KRT78: variants seen among roughly 807,000 people sequenced by gnomAD.
KRT78 encodes keratin 78.
Under a neutral mutation model 51.4 loss-of-function variants are expected in KRT78, and 55 were observed. The ratio of observed to expected loss-of-function variants is 1.07; its 90% confidence interval spans 0.86 to 1.34. The LOEUF is 1.34. Ranked by LOEUF, KRT78 falls within the 40% of genes most tolerant of loss-of-function variation. KRT78 has a pLI of 0.00. For synonymous variants in KRT78, 291 were observed against 264.3 expected (o/e 1.10, Z -0.98); for missense variants, 652 against 649.4 (o/e 1.00, Z -0.04).
In KRT78 at chr12:52,844,674, G is replaced by C. The variant is rs1429561876; in HGVS notation, c.806C>G (p.Ser269Cys). 3.7e-6 allele frequency: 6 copies of C among 1,613,978 alleles called. No homozygotes were observed. Among genetic ancestry groups the C allele is most frequent in the African/African-American group, 1.3e-5 (1 of 74,924 alleles). ...GTCCAGGTAGCGGTTGTTGTCCATG[G>C]ACAGCACCACAGACGTGTCGCTGGC... is the stretch of plus-strand genomic sequence containing the variant. ...TQASDTSVVL[S>C]MDNNRYLDFS... The change falls in exon 5 of 9, where the codon TCC (serine) becomes TGC (cysteine). Residue 269 changes from serine (S) to cysteine (C), a missense_variant. Transcript: ENST00000304620.
rs1300037500 is a variant in KRT78 at position 52,838,746 on chromosome 12, A to C, written c.*367T>G. On this transcript the variant is annotated 3_prime_UTR_variant, in exon 9 of 9. Transcript: ENST00000304620. ...GGAAGTGAGCTACAAGCACAGCTAA[A>C]ACATCAGTGGAGTTGTGGGAGATGG... 7.4e-6 allele frequency: 2 copies of C among 268,620 alleles called. No homozygotes were observed. The highest frequency in any genetic ancestry group is 1.4e-5 in the Non-Finnish European group (2 of 141,340). 16.6% of individuals were successfully genotyped at this position (268,620 alleles called of 1,614,324 possible).
chr12:52,844,281 A>G (rs1305580191), intron 5 of KRT78, 63 bp from the exon 6 acceptor site: 3 of 1,523,054 alleles, frequency 2.0e-6, no homozygotes, highest in East Asian at 2.3e-5. Flanking sequence ...CCATCTCCTC[A>G]TGTTTGAAAA....
chr12:52,843,981 T>A, intron 6 of KRT78, 112 bp downstream of exon 6: 2 of 1,294,608 alleles, frequency 1.5e-6, no homozygotes, highest in Non-Finnish European at 2.2e-6. Context: ...GTTATCAAGG[T>A]CCTCGACACA....
At chr12:52,843,388 A>G (rs1386117904) in intron 6 of KRT78, among the ~76,000 whole-genome samples, 5 of 131,224 alleles carry the variant, frequency 3.8e-5, no homozygotes, top group African/African-American at 1.1e-4. Context: ...GAGAGAGAGA[A>G]AGAAAAAGAA....
At chr12:52,844,261 C>A (rs764138182) in intron 5 of KRT78, 43 bp from the exon 6 acceptor site, 35 of 1,543,854 alleles carry the variant, frequency 2.3e-5, no homozygotes, top group East Asian at 9.2e-5. Flanking sequence ...GAGAGGACTG[C>A]CACCTTTGAC....
chr12:52,846,153 A>G, intron 4 of KRT78, 44 bp downstream of exon 4: 1 of 1,393,450 alleles, frequency 7.2e-7, no homozygotes, highest in Non-Finnish European at 1.0e-6. Context: ...CTGCCCACCC[A>G]GTCCTCTCTC....
Position 52,839,291 on chromosome 12 carries a change from C to T in KRT78, c.1385G>A (p.Gly462Asp), listed in dbSNP as rs757873428. The T allele has an allele frequency of 3.7e-6, 6 of 1,613,316 alleles. No individual in the cohort carries two copies. Among genetic ancestry groups the T allele is most frequent in the South Asian group, 3.3e-5 (3 of 90,926 alleles). ...GCTGGTGCAGCAGGACCCAGGGCTG[C>T]CTTTCCCACTACCGAGTCCACAAGT... The part of the protein sequence containing the change: ...GSTCGLGSGK[G>D]SPGSCCTSIV... Residue 462 changes from glycine (G) to aspartate (D), a missense_variant, in exon 9 of 9, where the codon GGC (glycine) becomes GAC (aspartate). Transcript: ENST00000304620.
At chr12:52,846,851 G>A in intron 2 of KRT78, 27 bp from the exon 3 acceptor site, 1 of 1,588,424 alleles carries the variant, frequency 6.3e-7, no homozygotes, top group Non-Finnish European at 8.6e-7. Flanking sequence ...GAAGGATGCA[G>A]TTTGAGGCTC....
intron 4 of KRT78, among the ~76,000 whole-genome samples, chr12:52,845,823 G>A (rs561761939): frequency 1.8e-4 from 28 of 151,958 alleles, no homozygotes; most frequent in Non-Finnish European, 3.1e-4. Flanking sequence ...CCGCAGTGGC[G>A]GGTGCCTGTA....
chr12:52,842,959 G>GAGAGAA lies in KRT78; in HGVS notation c.1047+1133_1047+1134insTTCTCT, dbSNP rs1299063277. Among the ~76,000 whole-genome samples the GAGAGAA allele has an allele frequency of 9.3e-5, 5 of 53,760 alleles. 1 individual carries two copies. The highest frequency in any genetic ancestry group is 6.6e-4 in the East Asian group (1 of 1,524). The allele number at this position is 53,760 out of a possible 152,430, so 35.3% of individuals were successfully genotyped here. On this transcript the variant is annotated intron_variant, in intron 6 of 8. Transcript: ENST00000304620. ...AGAAAGAGAGAGAGAGAGAGAGAGA[G>GAGAGAA]AGGAAGGAAGGAAGGAAGGAAGGAA... is the stretch of plus-strand genomic sequence containing the variant.
rs61764062 is a variant in KRT78, at chr12:52,844,563, G to C, written c.917C>G (p.Thr306Ser). 30 of 1,612,644 alleles carry C rather than the reference G, an allele frequency of 1.9e-5. 3 individuals are homozygous for C. The South Asian group carries it at 3.3e-4, about 18-fold the overall frequency. The change falls in exon 5 of 9, where the codon ACC becomes AGC. Residue 306 changes from threonine to serine, a missense_variant. Coordinates refer to ENST00000304620, the MANE Select transcript of KRT78 (RefSeq NM_173352.4). Reference sequence around the variant, plus strand: ...CTGCCCCCCAGGTCCCACCACCTTGGTCTGGTACAAGGCCTCAGCCTCAGC... The same window carrying C: ...CTGCCCCCCAGGTCCCACCACCTTGCTCTGGTACAAGGCCTCAGCCTCAGC... Reference protein sequence around the residue: ...SKAEAEALYQTKYQELQVSAQ... With the variant: ...SKAEAEALYQSKYQELQVSAQ...
chr12:52,846,889 C>A, intron 2 of KRT78, 65 bp from the exon 3 acceptor site: 2 of 1,204,954 alleles, frequency 1.7e-6, no homozygotes, highest in Non-Finnish European at 1.2e-6. Flanking sequence ...CCCCCATGTC[C>A]GAGCATGACC....
chr12:52,844,255 G>T (rs1369522752), intron 5 of KRT78, 37 bp from the exon 6 acceptor site: 3 of 1,554,808 alleles, frequency 1.9e-6, no homozygotes. Flanking sequence ...TTAGTTGAGA[G>T]GACTGCCACC....
At chr12:52,846,019 C>T (rs1040230358) in intron 4 of KRT78, 178 bp downstream of exon 4, 5 of 596,136 alleles carry the variant, frequency 8.4e-6, no homozygotes, top group African/African-American at 3.7e-5. Flanking sequence ...GATGTATCCC[C>T]AGGACCTAGC....
intron 7 of KRT78, 24 bp downstream of exon 7, chr12:52,839,740 C>T: frequency 6.2e-7 from 1 of 1,604,924 alleles, no homozygotes; most frequent in Non-Finnish European, 8.5e-7. Flanking sequence ...CTCATATTCC[C>T]AGGTCCCTCC....
intron 3 of KRT78, 125 bp downstream of exon 3, chr12:52,846,639 C>T (rs1940649463): frequency 2.2e-6 from 2 of 891,114 alleles, no homozygotes; most frequent in Non-Finnish European, 3.6e-6. Context: ...CCAGGGGACC[C>T]CTGCAGGTAG....
At chr12:52,839,531 C>T (rs1463071677) in intron 7 of KRT78, 44 bp from the exon 8 acceptor site, 2 of 1,512,840 alleles carry the variant, frequency 1.3e-6, no homozygotes, top group Non-Finnish European at 1.8e-6. Flanking sequence ...AGGAATACTA[C>T]AAAGAATGCA....
rs1179605609 is a variant in KRT78, at chr12:52,843,174, C to G, written c.1047+919G>C. Among the ~76,000 whole-genome samples the G allele has an allele frequency of 4.0e-5, 6 of 148,810 alleles. No individual in the cohort carries two copies. In the Admixed American group the frequency reaches 4.0e-4, roughly 10 times the overall value. On this transcript the variant is annotated intron_variant, in intron 6 of 8. Coordinates refer to ENST00000304620, the MANE Select transcript of KRT78 (RefSeq NM_173352.4). ...TTGAGGTCAGGAGTTTGAGACCAGC[C>G]TGGCCAACATGGTGAAATCCCATCT...
rs1171971025 is a variant in KRT78 at position 52,838,260 on chromosome 12, C to T, written c.*853G>A. 1 of 152,140 alleles carries T rather than the reference C, an allele frequency of 6.6e-6. No homozygotes were observed. Among genetic ancestry groups the T allele is most frequent in the African/African-American group, 2.4e-5 (1 of 41,406 alleles). 9.4% of individuals were successfully genotyped at this position (152,140 alleles called of 1,614,324 possible). On this transcript the variant is annotated 3_prime_UTR_variant, in exon 9 of 9. Coordinates refer to ENST00000304620, the MANE Select transcript of KRT78 (RefSeq NM_173352.4). Reference sequence around the variant, plus strand: ...GCTGGGGGTGTGTAGAAAAGGTGATCCTTCCAGCCCCTCCTGGCACCCCAC... The same window carrying T: ...GCTGGGGGTGTGTAGAAAAGGTGATTCTTCCAGCCCCTCCTGGCACCCCAC...
Sources: allele counts gnomAD v4.1 joint callset (sites outside exome capture counted in the v4.1 genomes callset), GRCh38; gene constraint gnomAD v4.1.1; transcripts MANE v1.5; gene names NCBI Gene and HGNC (gene_info 2026-07-23, HGNC 2026-07-21).